The following TIAM2 variants were observed in gnomAD, a reference collection of about 807,000 sequenced individuals.
TIAM2 encodes rho guanine nucleotide exchange factor TIAM2.
A neutral mutation model predicts 152.9 loss-of-function variants in TIAM2; 80 were observed. The ratio of observed to expected loss-of-function variants is 0.52; its 90% CI spans 0.44 to 0.63. TIAM2 has a LOEUF of 0.63. Among genes scored for constraint, TIAM2 ranks in the 30% least tolerant of loss-of-function variants. The probability of loss-of-function intolerance (pLI) is 0.00; values close to 1 mark genes in which losing one functional copy is unlikely to be tolerated. For missense variants in TIAM2, 1,965 were observed against 2,120.1 expected, an observed-to-expected ratio of 0.93 and a Z score of 1.44; for synonymous variants, 804 against 838.0, an observed-to-expected ratio of 0.96 and a Z score of 0.70.
chr6:155,252,814 C>A, intron 23 of TIAM2, 134 bp from the exon 24 acceptor site: 1 of 717,324 alleles, frequency 1.4e-6, no homozygotes, highest in Non-Finnish European at 2.4e-6. Flanking sequence ...TGATTGACTT[C>A]TGTGCCCTGA....
chr6:155,104,835 A>G (rs1169565169), intron 2 of TIAM2, among the ~76,000 whole-genome samples: 1 of 152,134 alleles, frequency 6.6e-6, no homozygotes, highest in Non-Finnish European at 1.5e-5. Flanking sequence ...GTGTGCCTAT[A>G]TGGGTAGATG....
intron 12 of TIAM2, among the ~76,000 whole-genome samples, chr6:155,180,463 T>C (rs969346703): frequency 1.1e-4 from 17 of 152,348 alleles, no homozygotes; most frequent in South Asian, 2.1e-4. Context: ...TCTTACCTTG[T>C]TAAATATATC....
At chr6:155,027,510 A>G (rs1389877383) in intron 1 of TIAM2, among the ~76,000 whole-genome samples, 3 of 111,378 alleles carry the variant, frequency 2.7e-5, no homozygotes, top group Admixed American at 2.2e-4. Flanking sequence ...TATATATAAT[A>G]TATATACTGT....
At chr6:155,086,505 G>A (rs771289050) in intron 1 of TIAM2, among the ~76,000 whole-genome samples, 2 of 151,998 alleles carry the variant, frequency 1.3e-5, no homozygotes, top group Non-Finnish European at 2.9e-5. Flanking sequence ...TCAGGAGTTC[G>A]AGACCAGCCT....
At chr6:155,175,207 C>T (rs189599523) in intron 9 of TIAM2, among the ~76,000 whole-genome samples, 1 of 152,306 alleles carries the variant, frequency 6.6e-6, no homozygotes, top group East Asian at 1.9e-4. Flanking sequence ...CTGAAAGCGA[C>T]AGATCCAAGA....
intron 1 of TIAM2, among the ~76,000 whole-genome samples, chr6:155,055,128 C>G (rs1452896967): frequency 6.6e-6 from 1 of 152,082 alleles, no homozygotes; most frequent in Non-Finnish European, 1.5e-5. Context: ...AGAGATTTGT[C>G]TGGATCACTG....
chr6:155,152,645 A>C (rs1780003091), intron 7 of TIAM2, among the ~76,000 whole-genome samples: 2 of 152,252 alleles, frequency 1.3e-5, no homozygotes, highest in Non-Finnish European at 2.9e-5. Context: ...AGTGTCTCAG[A>C]GTGTTCAGAG....
At chr6:155,099,567 A>G (rs762665155) in intron 2 of TIAM2, among the ~76,000 whole-genome samples, 5 of 152,218 alleles carry the variant, frequency 3.3e-5, no homozygotes, top group Non-Finnish European at 7.3e-5. Context: ...CGTGATGCAT[A>G]ATAATTGTGG....
At chr6:155,106,196 G>A (rs1046649082) in intron 2 of TIAM2, among the ~76,000 whole-genome samples, 1 of 151,662 alleles carries the variant, frequency 6.6e-6, no homozygotes, top group African/African-American at 2.4e-5. Context: ...GTAGAGACAG[G>A]GTTTCACCAT....
At chr6:155,094,895 T>G (rs1252524740) in intron 2 of TIAM2, among the ~76,000 whole-genome samples, 1 of 152,016 alleles carries the variant, frequency 6.6e-6, no homozygotes. Flanking sequence ...GCTCATATAT[T>G]TAAATAGCTC....
intron 15 of TIAM2, among the ~76,000 whole-genome samples, chr6:155,222,338 C>T (rs1024469811): frequency 7.7e-5 from 11 of 142,824 alleles, no homozygotes; most frequent in Non-Finnish European, 1.5e-4. Context: ...GCGTGGCTCA[C>T]GCCTGTAGTC....
rs141732706 is a variant in TIAM2 at position 155,099,768 on chromosome 6, G to A, written c.-118+9389G>A. ...TATAGTCATGTATCACTTGACAATG[G>A]GGAAAGTTCTGAGAAAAGTGTAAGA... On this transcript the variant is annotated intron_variant, in intron 2 of 26. Transcript: ENST00000682666. Among the ~76,000 whole-genome samples the A allele has an allele frequency of 3.6e-3, 548 of 152,304 alleles. 3 individuals are homozygous for A. Among genetic ancestry groups the A allele is most frequent in the Non-Finnish European group, 6.7e-3 (454 of 68,022 alleles).
chr6:155,219,819 T>A (rs1260795672), intron 15 of TIAM2, among the ~76,000 whole-genome samples: 1 of 151,970 alleles, frequency 6.6e-6, no homozygotes, highest in Non-Finnish European at 1.5e-5. Context: ...CAGGGATAAC[T>A]TACACGCTCT....
intron 21 of TIAM2, 73 bp downstream of exon 21, chr6:155,250,042 C>G (rs1053433406): frequency 8.5e-7 from 1 of 1,172,582 alleles, no homozygotes; most frequent in Middle Eastern, 2.0e-4. Flanking sequence ...TCTAGATAGG[C>G]TGCCCTGTTA....
intron 1 of TIAM2, among the ~76,000 whole-genome samples, chr6:155,008,908 G>A (rs1254084346): frequency 6.6e-6 from 1 of 152,118 alleles, no homozygotes; most frequent in Non-Finnish European, 1.5e-5. Flanking sequence ...TTTTGGGGCA[G>A]TTGCTTAGCA....
At chr6:155,215,378 G>T (rs1038099442) in intron 15 of TIAM2, among the ~76,000 whole-genome samples, 2 of 152,130 alleles carry the variant, frequency 1.3e-5, no homozygotes, top group Admixed American at 1.3e-4. Flanking sequence ...AAAGGAGAAA[G>T]CAAATAATAA....
At chr6:155,118,332 G>A (rs1025085601) in intron 2 of TIAM2, among the ~76,000 whole-genome samples, 1 of 152,046 alleles carries the variant, frequency 6.6e-6, no homozygotes, top group African/African-American at 2.4e-5. Flanking sequence ...GATCCAGCAA[G>A]TGGTTATGGA....
chr6:155,033,325 G>C (rs1438577299), intron 1 of TIAM2, among the ~76,000 whole-genome samples: 1 of 152,114 alleles, frequency 6.6e-6, no homozygotes, highest in East Asian at 1.9e-4. Flanking sequence ...TTCCTTAAGG[G>C]AGCTGGCTTG....
intron 15 of TIAM2, among the ~76,000 whole-genome samples, chr6:155,233,694 C>A (rs1342560921): frequency 6.6e-6 from 1 of 152,158 alleles, no homozygotes; most frequent in Non-Finnish European, 1.5e-5. Flanking sequence ...AAAGGCCCGG[C>A]ATGGTGGCTC....
Sources: allele counts gnomAD v4.1 joint callset (sites outside exome capture counted in the v4.1 genomes callset), GRCh38; gene constraint gnomAD v4.1.1; transcripts MANE v1.5; gene names NCBI Gene and HGNC (gene_info 2026-07-23, HGNC 2026-07-21).